DCC: variants seen among roughly 807,000 people sequenced by gnomAD.
The protein encoded by DCC is netrin receptor DCC.
A neutral mutation model predicts 172.5 loss-of-function variants in DCC; 58 were observed. The ratio of observed to expected loss-of-function variants is 0.34; its 90% CI spans 0.27 to 0.42. The LOEUF (loss-of-function observed/expected upper bound fraction) is 0.42, where lower values mean the gene tolerates loss of function less well. Ranked by LOEUF, DCC falls within the 10% of genes least tolerant of loss-of-function variation. The probability of loss-of-function intolerance (pLI) is 1.00; values close to 1 mark genes in which losing one functional copy is unlikely to be tolerated. For missense variants in DCC, 1,740 were observed against 1,791.0 expected (o/e 0.97, Z 0.51); for synonymous variants, 709 against 644.5 (o/e 1.10, Z -1.52).
intron 1 of DCC, among the ~76,000 whole-genome samples, chr18:52,655,985 T>TGC: frequency 2.8e-5 from 4 of 141,496 alleles, no homozygotes; most frequent in Non-Finnish European, 4.6e-5. Flanking sequence ...TGTGTGTGTG[T>TGC]GTATATATAT....
chr18:52,496,295 T>C (rs2030746418), intron 1 of DCC, among the ~76,000 whole-genome samples: 2 of 152,134 alleles, frequency 1.3e-5, no homozygotes, highest in African/African-American at 4.8e-5. Context: ...CAAGAGTATG[T>C]ACATCAATAA....
chr18:53,242,021 A>G (rs1367821876), intron 12 of DCC, among the ~76,000 whole-genome samples: 1 of 152,164 alleles, frequency 6.6e-6, no homozygotes, highest in Non-Finnish European at 1.5e-5. Flanking sequence ...TCTCCTTAAG[A>G]AGAGGACTTC....
chr18:53,501,273 C>T (rs1327823541), intron 27 of DCC, among the ~76,000 whole-genome samples: 1 of 152,014 alleles, frequency 6.6e-6, no homozygotes, highest in African/African-American at 2.4e-5. Context: ...TAGTCTTAAC[C>T]CCATTTTAGG....
intron 1 of DCC, among the ~76,000 whole-genome samples, chr18:52,550,741 C>A (rs945232944): frequency 2.8e-4 from 42 of 152,062 alleles, no homozygotes; most frequent in African/African-American, 9.9e-4. Context: ...GTACCTCTTT[C>A]CATCTCTCCT....
chr18:53,284,172 TG>T (rs2056907661), intron 12 of DCC, among the ~76,000 whole-genome samples: 1 of 152,308 alleles, frequency 6.6e-6, no homozygotes, highest in African/African-American at 2.4e-5. Flanking sequence ...ACCCATGTTT[TG>T]CCCTGTAGTT....
At chr18:53,503,308 T>C (rs553768166) in intron 27 of DCC, among the ~76,000 whole-genome samples, 174 of 152,310 alleles carry the variant, frequency 1.1e-3, no homozygotes, top group African/African-American at 4.2e-3. Context: ...CCTCAATTTT[T>C]TTTCCTTCCA....
intron 7 of DCC, among the ~76,000 whole-genome samples, chr18:53,133,757 G>T (rs1414894912): frequency 6.6e-6 from 1 of 152,130 alleles, no homozygotes; most frequent in Non-Finnish European, 1.5e-5. Context: ...TTGTTTATGA[G>T]TTCCCAACAT....
intron 2 of DCC, chr18:52,754,010 T>G (rs1425934460): frequency 6.6e-6 from 1 of 152,214 alleles, no homozygotes; most frequent in African/African-American, 2.4e-5. Context: ...CAACGTAATC[T>G]TTAGTTCTCA....
At chr18:52,881,870 A>C (rs1353774465) in intron 2 of DCC, among the ~76,000 whole-genome samples, 2 of 152,078 alleles carry the variant, frequency 1.3e-5, no homozygotes, top group African/African-American at 4.8e-5. Context: ...GATTACATTG[A>C]ATCTTTAGAT....
At chr18:52,542,466 A>T (rs1047677233) in intron 1 of DCC, among the ~76,000 whole-genome samples, 22 of 152,164 alleles carry the variant, frequency 1.4e-4, no homozygotes, top group Non-Finnish European at 2.6e-4. Flanking sequence ...TTTCTGTTTT[A>T]AAAAAAACCA....
chr18:52,962,696 G>C (rs2040862255), intron 5 of DCC, among the ~76,000 whole-genome samples: 1 of 151,636 alleles, frequency 6.6e-6, no homozygotes, highest in African/African-American at 2.4e-5. Flanking sequence ...CAAAGACTTG[G>C]AACCAACCCA....
intron 2 of DCC, among the ~76,000 whole-genome samples, chr18:52,787,166 G>A (rs544393609): frequency 5.9e-5 from 9 of 152,020 alleles, no homozygotes; most frequent in Admixed American, 5.2e-4. Context: ...TTCCAAAAAG[G>A]TTGCTTTAAC....
At chr18:53,022,529 T>TTA (rs1555697190) in intron 5 of DCC, among the ~76,000 whole-genome samples, 106 of 130,626 alleles carry the variant, frequency 8.1e-4, no homozygotes, top group Middle Eastern at 7.8e-3. Flanking sequence ...TCAGTATTTT[T>TTA]TATATATATA....
intron 1 of DCC, among the ~76,000 whole-genome samples, chr18:52,650,102 C>T (rs1021086650): frequency 6.6e-6 from 1 of 151,472 alleles, no homozygotes; most frequent in Non-Finnish European, 1.5e-5. Flanking sequence ...CCTCAGTCTC[C>T]GAAGTAGCTA....
At chr18:53,380,858 G>A (rs1907674933) in intron 15 of DCC, among the ~76,000 whole-genome samples, 1 of 152,124 alleles carries the variant, frequency 6.6e-6, no homozygotes, top group Admixed American at 6.5e-5. Flanking sequence ...GGGCTAAGCT[G>A]TTACCACTTT....
chr18:52,978,218 C>A (rs914541255), intron 5 of DCC, among the ~76,000 whole-genome samples: 1 of 151,192 alleles, frequency 6.6e-6, no homozygotes, highest in East Asian at 2.0e-4. Flanking sequence ...AAATATCACA[C>A]GAGAAAGACA....
chr18:53,046,124 G>A (rs1170210809), intron 5 of DCC, among the ~76,000 whole-genome samples: 2 of 151,860 alleles, frequency 1.3e-5, no homozygotes, highest in African/African-American at 2.4e-5. Context: ...GACAAATAGA[G>A]TCTCAAAGCT....
intron 2 of DCC, among the ~76,000 whole-genome samples, chr18:52,784,953 G>C (rs1417008922): frequency 6.8e-6 from 1 of 146,426 alleles, no homozygotes; most frequent in African/African-American, 2.7e-5. Flanking sequence ...GAGAGAGACA[G>C]AGAGAGAGAG....
At chr18:52,459,624 C>T (rs140276204) in intron 1 of DCC, among the ~76,000 whole-genome samples, 9,333 of 151,948 alleles carry the variant, frequency 0.061, 360 homozygotes, top group East Asian at 0.095. Context: ...CCCGCCACCA[C>T]GCCCGGCTAA....
Sources: allele counts gnomAD v4.1 joint callset (sites outside exome capture counted in the v4.1 genomes callset), GRCh38; gene constraint gnomAD v4.1.1; transcripts MANE v1.5; gene names NCBI Gene and HGNC (gene_info 2026-07-23, HGNC 2026-07-21).